The following TENM2 variants were observed in gnomAD, a reference collection of about 807,000 sequenced individuals.
The protein encoded by TENM2 is teneurin-2.
TENM2 carries 52 observed loss-of-function variants against 245.2 expected under a neutral mutation model. The observed-to-expected ratio is 0.21, with a 90% CI of 0.17 to 0.27. The LOEUF is 0.27. Among genes scored for constraint, TENM2 ranks in the 10% least tolerant of loss-of-function variants. TENM2 has a pLI of 1.00. For synonymous variants in TENM2, 1,363 were observed against 1,438.9 expected (o/e 0.95, Z 1.19); for missense variants, 3,046 against 3,666.8 (o/e 0.83, Z 4.37).
intron 2 of TENM2, among the ~76,000 whole-genome samples, chr5:167,585,762 C>G (rs1775446380): frequency 6.6e-6 from 1 of 151,860 alleles, no homozygotes; most frequent in Non-Finnish European, 1.5e-5. Flanking sequence ...TATAGTCAGC[C>G]CTTTGTATCT....
chr5:167,128,421 T>C, the TENM2 span, among the ~76,000 whole-genome samples: 1 of 152,064 alleles, frequency 6.6e-6, no homozygotes, highest in Non-Finnish European at 1.5e-5. Flanking sequence ...TTGTTAAAAC[T>C]CAGACGGCTG....
intron 1 of TENM2, among the ~76,000 whole-genome samples, chr5:167,345,037 C>T (rs1046291944): frequency 3.3e-5 from 5 of 152,180 alleles, no homozygotes; most frequent in Non-Finnish European, 5.9e-5. Flanking sequence ...AAGCATCTTC[C>T]TATTGCGTTG....
chr5:168,036,641 AAAAT>A (rs1460784460), intron 5 of TENM2, among the ~76,000 whole-genome samples: 3 of 108,674 alleles, frequency 2.8e-5, no homozygotes, highest in Admixed American at 1.0e-4. Context: ...CATCAAAAAA[AAAAT>A]ATATATATAT....
At chr5:168,216,594 A>C (rs957686546) in intron 21 of TENM2, among the ~76,000 whole-genome samples, 174 bp from the exon 24 acceptor site, 1 of 152,168 alleles carries the variant, frequency 6.6e-6, no homozygotes, top group Non-Finnish European at 1.5e-5. Context: ...CACAGTGCCC[A>C]TGGGAAAGGA....
At chr5:167,647,658 G>C (rs1003025739) in intron 2 of TENM2, among the ~76,000 whole-genome samples, 10 of 152,184 alleles carry the variant, frequency 6.6e-5, no homozygotes, top group African/African-American at 2.4e-4. Context: ...CGAAGGGAAG[G>C]TGCTGAATTC....
At chr5:167,484,195 A>G (rs1021270487) in intron 2 of TENM2, among the ~76,000 whole-genome samples, 5 of 152,160 alleles carry the variant, frequency 3.3e-5, no homozygotes, top group African/African-American at 1.2e-4. Context: ...AAATACAAAA[A>G]TTAGCAGGGC....
At chr5:167,968,528 A>T (rs1259339103) in intron 4 of TENM2, among the ~76,000 whole-genome samples, 2 of 152,204 alleles carry the variant, frequency 1.3e-5, no homozygotes, top group Non-Finnish European at 2.9e-5. Flanking sequence ...TCCATTTCTC[A>T]ACAATTAATA....
At chr5:167,476,735 A>AT (rs1431739413) in intron 2 of TENM2, among the ~76,000 whole-genome samples, 1 of 152,106 alleles carries the variant, frequency 6.6e-6, no homozygotes, top group Non-Finnish European at 1.5e-5. Context: ...AGTAGCTGGG[A>AT]TTACAGGCAC....
At chr5:168,068,114 A>G (rs1790667895) in intron 7 of TENM2, among the ~76,000 whole-genome samples, 3 of 152,154 alleles carry the variant, frequency 2.0e-5, no homozygotes, top group Admixed American at 2.0e-4. Flanking sequence ...TGAAACTGCC[A>G]TCTGAGTCAG....
At chr5:167,958,260 T>C (rs1487954543) in intron 4 of TENM2, among the ~76,000 whole-genome samples, 4 of 152,196 alleles carry the variant, frequency 2.6e-5, no homozygotes, top group Non-Finnish European at 5.9e-5. Context: ...TCTTTGTTGG[T>C]TTAAAGTCTG....
chr5:168,244,779 T>C lies in TENM2; in HGVS notation c.5817+63T>C. The C allele has an allele frequency of 3.8e-6, 5 of 1,330,430 alleles. No homozygotes were observed. Among genetic ancestry groups the C allele is most frequent in the Non-Finnish European group, 4.9e-6 (5 of 1,024,276 alleles). 82.4% of individuals were successfully genotyped at this position (1,330,430 alleles called of 1,614,324 possible). A position where few individuals can be genotyped will look rare whatever the true frequency, so the allele number is the denominator to read the frequency against. On this transcript the variant is annotated intron_variant, in intron 26 of 28. Transcript: ENST00000518659. The surrounding 1 kb of genome is among the most constrained non-coding windows in gnomAD (Gnocchi z 4.9). ...GTTATTTCTGTTATTCCGGCTTCTT[T>C]TTTTTTTTGAGACAGAGACTTGCTC...
At chr5:167,272,303 T>C in the TENM2 span, among the ~76,000 whole-genome samples, 1 of 152,184 alleles carries the variant, frequency 6.6e-6, no homozygotes, top group Admixed American at 6.5e-5. Context: ...GTTCTGCTTT[T>C]GGGAAACAGG....
At chr5:167,612,763 CT>C (rs1777557300) in intron 2 of TENM2, among the ~76,000 whole-genome samples, 1 of 152,020 alleles carries the variant, frequency 6.6e-6, no homozygotes, top group South Asian at 2.1e-4. Flanking sequence ...TAATATATGA[CT>C]TCTCTTTGAC....
intron 2 of TENM2, among the ~76,000 whole-genome samples, chr5:167,567,150 CA>C (rs1457342409): frequency 3.3e-5 from 5 of 152,062 alleles, no homozygotes; most frequent in Non-Finnish European, 5.9e-5. Flanking sequence ...AAAATCGACC[CA>C]AATTATCTCA....
chr5:168,041,604 C>T (rs1562087401), intron 5 of TENM2, among the ~76,000 whole-genome samples: 1 of 152,152 alleles, frequency 6.6e-6, no homozygotes, highest in Non-Finnish European at 1.5e-5. Flanking sequence ...CAATGCATCC[C>T]CCACCTGCGA....
chr5:168,034,146 T>G (rs1562077695), intron 5 of TENM2, among the ~76,000 whole-genome samples: 1 of 135,420 alleles, frequency 7.4e-6, no homozygotes, highest in South Asian at 2.3e-4. Context: ...TATACATATA[T>G]ATGTGTATAT....
chr5:167,794,223 G>T (rs935067762), intron 2 of TENM2, among the ~76,000 whole-genome samples: 1 of 152,000 alleles, frequency 6.6e-6, no homozygotes, highest in African/African-American at 2.4e-5. Flanking sequence ...GCTACAGGTG[G>T]TACACGTTTG....
chr5:167,288,285 C>T (rs1281990369), intron 1 of TENM2, among the ~76,000 whole-genome samples: 1 of 152,020 alleles, frequency 6.6e-6, no homozygotes, highest in Non-Finnish European at 1.5e-5. Context: ...AACAGGCGGG[C>T]GCGGTGGCTC....
chr5:167,081,241 ATTTATGATCATAAATACCAAT>A, the TENM2 span, among the ~76,000 whole-genome samples: 1 of 151,976 alleles, frequency 6.6e-6, no homozygotes, highest in Non-Finnish European at 1.5e-5. Context: ...TTCACTTGGT[ATTTATGATCATAAATACCAAT>A]TTTATGATCA....
Sources: allele counts gnomAD v4.1 joint callset (sites outside exome capture counted in the v4.1 genomes callset), GRCh38; gene constraint gnomAD v4.1.1; non-coding constraint Gnocchi (gnomAD v3.1); transcripts MANE v1.5; gene names NCBI Gene and HGNC (gene_info 2026-07-23, HGNC 2026-07-21).